PDCD11: variants seen among roughly 807,000 people sequenced by gnomAD.
The protein encoded by PDCD11 is programmed cell death 11.
A neutral mutation model predicts 198.9 loss-of-function variants in PDCD11; 97 were observed. The ratio of observed to expected loss-of-function variants is 0.49; its 90% CI spans 0.41 to 0.58. The LOEUF (loss-of-function observed/expected upper bound fraction) is 0.58, where lower values mean the gene tolerates loss of function less well. Among genes scored for constraint, PDCD11 ranks in the 20% least tolerant of loss-of-function variants. PDCD11 has a pLI of 0.00. For synonymous variants in PDCD11, 893 were observed against 918.0 expected (o/e 0.97, Z 0.49); for missense variants, 2,102 against 2,312.7 (o/e 0.91, Z 1.87).
Position 103,405,046 on chromosome 10 carries a change from T to A in PDCD11, c.427T>A (p.Phe143Ile). The A allele has an allele frequency of 6.2e-7, 1 of 1,614,024 alleles. No individual in the cohort carries two copies. The highest frequency in any genetic ancestry group is 2.2e-5 in the East Asian group (1 of 44,878). The stretch of plus-strand genomic sequence containing the variant: ...GGACCTACTTCACTTGCCTGAACTT[T>A]TCTCACCTGGAATGCTGGTAAGATG... ...LKDLLHLPEL[F>I]SPGMLVRCVV... is the part of the protein sequence containing the mutation. Residue 143 changes from phenylalanine (F) to isoleucine (I), a missense_variant, in exon 5 of 36, where the codon TTC becomes ATC. Physicochemically the swap from Phe to Ile is conservative, Grantham distance 21. Transcript: ENST00000369797.
chr10:103,418,841 A>G (rs1461894464), intron 15 of PDCD11, among the ~76,000 whole-genome samples: 1 of 152,078 alleles, frequency 6.6e-6, no homozygotes, highest in East Asian at 1.9e-4. Context: ...GAGTAGCCTG[A>G]AAGGTTGCAG....
At chr10:103,432,315 AGCAGAGAAAG>A in intron 22 of PDCD11, 81 bp downstream of exon 22, 1 of 995,356 alleles carries the variant, frequency 1.0e-6, no homozygotes. Flanking sequence ...AAAAGCCATT[AGCAGAGAAAG>A]GCATTTGAGT....
Position 103,442,435 on chromosome 10 carries a change from A to G in PDCD11, c.4930A>G (p.Arg1644Gly). The G allele has an allele frequency of 6.2e-7, 1 of 1,613,984 alleles. No individual in the cohort carries two copies. Among genetic ancestry groups the G allele is most frequent in the East Asian group, 2.2e-5 (1 of 44,864 alleles). Reference sequence around the variant, plus strand: ...CGAGAAGGCCCGTGCCGTGGCTGAGAGGGCCCTTAAGACCATCTCCTTCAG... The same window carrying G: ...CGAGAAGGCCCGTGCCGTGGCTGAGGGGGCCCTTAAGACCATCTCCTTCAG... Reference protein sequence around the residue: ...EIEKARAVAERALKTISFREE... With the variant: ...EIEKARAVAEGALKTISFREE... Residue 1644 changes from arginine (R) to glycine (G), a missense_variant, in exon 32 of 36, where the codon AGG (arginine) becomes GGG (glycine). Arg to Gly is a moderately radical substitution (Grantham distance 125). Transcript: ENST00000369797.
At chr10:103,439,720 C>T in intron 27 of PDCD11, 26 bp from the exon 28 acceptor site, 1 of 1,614,080 alleles carries the variant, frequency 6.2e-7, no homozygotes, top group Non-Finnish European at 8.5e-7. Context: ...TTTGTGACCA[C>T]AGGACTCTTG....
chr10:103,400,224 C>G (rs1415575668), intron 2 of PDCD11, among the ~76,000 whole-genome samples, 173 bp from the exon 3 acceptor site: 2 of 142,148 alleles, frequency 1.4e-5, no homozygotes, highest in East Asian at 4.0e-4. Flanking sequence ...GCGGCCCCCC[C>G]CCTTTTTTTT....
rs889838411 is a variant in PDCD11 at position 103,445,582 on chromosome 10, A to G, written c.*33A>G. 6.3e-7 allele frequency: 1 copy of G among 1,597,840 alleles called. No homozygotes were observed. Among genetic ancestry groups the G allele is most frequent in the African/African-American group, 1.3e-5 (1 of 74,592 alleles). ...CTGGCTCTGTGGGACACTGTCAACA[A>G]TGGGCCAGCCCGGCCCCGCCTCGAG... On this transcript the variant is annotated 3_prime_UTR_variant, in exon 36 of 36. Coordinates refer to ENST00000369797, the MANE Select transcript of PDCD11 (RefSeq NM_014976.2).
Position 103,417,859 on chromosome 10 carries a change from C to G in PDCD11, c.1838C>G (p.Ser613Trp). The G allele has an allele frequency of 6.2e-7, 1 of 1,614,044 alleles. No homozygotes were observed. The part of the protein sequence containing the change: ...KERMLLSFKL[S>W]SDPEPKKEPA... Reference sequence around the variant, plus strand: ...AGGATGCTCTTATCCTTCAAGCTGTCGAGTGATCCAGAGCCAAAGAAAGAG... The same window carrying G: ...AGGATGCTCTTATCCTTCAAGCTGTGGAGTGATCCAGAGCCAAAGAAAGAG... Residue 613 changes from serine (S) to tryptophan (W), a missense_variant, in exon 14 of 36, where the codon TCG (serine) becomes TGG (tryptophan). Transcript: ENST00000369797.
At chr10:103,414,815 C>T (rs2031008955) in intron 11 of PDCD11, among the ~76,000 whole-genome samples, 190 bp from the exon 12 acceptor site, 1 of 152,160 alleles carries the variant, frequency 6.6e-6, no homozygotes, top group Non-Finnish European at 1.5e-5. Flanking sequence ...TGAAGGCTCC[C>T]ATAAATAAAG....
At chr10:103,402,883 A>G (rs2030197921) in intron 3 of PDCD11, among the ~76,000 whole-genome samples, 1 of 151,814 alleles carries the variant, frequency 6.6e-6, no homozygotes. Context: ...ACAGGCGTGT[A>G]CCACTATGCC....
At chr10:103,432,290 C>A in intron 22 of PDCD11, 56 bp downstream of exon 22, 1 of 1,253,220 alleles carries the variant, frequency 8.0e-7, no homozygotes, top group South Asian at 1.2e-5. Context: ...GAAAAAAGGT[C>A]ATGACGTTGG....
chr10:103,442,901 GC>G (rs763520047), intron 32 of PDCD11, among the ~76,000 whole-genome samples: 40 of 152,212 alleles, frequency 2.6e-4, no homozygotes, highest in Non-Finnish European at 5.4e-4. Context: ...CAAACCTCAG[GC>G]CCGTTTGGGA....
chr10:103,412,521 T>C (rs1564761251), intron 8 of PDCD11, among the ~76,000 whole-genome samples: 1 of 152,130 alleles, frequency 6.6e-6, no homozygotes, highest in Non-Finnish European at 1.5e-5. Context: ...GGGGTTTCAC[T>C]GTGTTAGCCA....
chr10:103,438,836 C>A, intron 27 of PDCD11, 28 bp downstream of exon 27: 1 of 1,612,336 alleles, frequency 6.2e-7, no homozygotes, highest in Non-Finnish European at 8.5e-7. Flanking sequence ...TGCACCCGGA[C>A]CCAAGTGCCT....
intron 8 of PDCD11, among the ~76,000 whole-genome samples, chr10:103,412,585 C>T (rs1022264558): frequency 2.0e-5 from 3 of 152,174 alleles, no homozygotes; most frequent in Non-Finnish European, 2.9e-5. Context: ...CTTCGGCCTC[C>T]CAAAGAGCTG....
rs1297420562 is a variant in PDCD11 at position 103,445,305 on chromosome 10, GT to G, written c.5445-72del. On this transcript the variant is annotated intron_variant, in intron 35 of 35. Coordinates refer to ENST00000369797, the MANE Select transcript of PDCD11 (RefSeq NM_014976.2). The stretch of plus-strand genomic sequence containing the variant: ...GTCCTGGTTCCAGGGCTGAGAGCAA[GT>G]GGGTGAGTGCTAGGCAGGAAGCACG... The G allele has an allele frequency of 2.1e-6, 3 of 1,431,196 alleles. No homozygotes were observed. In the African/African-American group the frequency reaches 4.2e-5, roughly 20 times the overall value. The allele number at this position is 1,431,196 out of a possible 1,614,324, so 88.7% of individuals were successfully genotyped here.
Position 103,423,576 on chromosome 10 carries a change from T to C in PDCD11, c.2681T>C (p.Val894Ala), listed in dbSNP as rs1592130316. The change falls in exon 19 of 36, where the codon GTT becomes GCT. Residue 894 changes from valine to alanine, a missense_variant. Transcript: ENST00000369797. ...QEVESGQKKK[V>A]VILNVDLLKL... is the part of the protein sequence containing the mutation. ...GTGGAATCTGGGCAGAAAAAGAAGG[T>C]TGTTATCTTAAATGTTGATCTTTTG... The C allele has an allele frequency of 6.2e-7, 1 of 1,613,690 alleles. No individual in the cohort carries two copies. Among genetic ancestry groups the C allele is most frequent in the Admixed American group, 1.7e-5 (1 of 59,984 alleles).
intron 2 of PDCD11, among the ~76,000 whole-genome samples, chr10:103,399,280 C>T (rs2093452202): frequency 6.6e-6 from 1 of 151,862 alleles, no homozygotes; most frequent in South Asian, 2.1e-4. Context: ...AAACTCCTGA[C>T]CTCAGATGAT....
intron 8 of PDCD11, among the ~76,000 whole-genome samples, chr10:103,411,024 G>C (rs894232662): frequency 6.6e-6 from 1 of 151,224 alleles, no homozygotes; most frequent in African/African-American, 2.4e-5. Flanking sequence ...GCAGTGAGCC[G>C]AGATTGTGCC....
rs2032580149 is a variant in PDCD11 at position 103,445,651 on chromosome 10, ATGC to A, written c.*107_*109del. The A allele has an allele frequency of 2.2e-6, 2 of 928,414 alleles. No individual in the cohort carries two copies. The highest frequency in any genetic ancestry group is 3.3e-5 in the African/African-American group (2 of 60,250). The allele number at this position is 928,414 out of a possible 1,614,324, so 57.5% of individuals were successfully genotyped here. ...ACTGTTACCTCAGGACTCTATTTAA[ATGC>A]TGCTTTTTCTGCAGCACGCTTGGGG... On this transcript the variant is annotated 3_prime_UTR_variant, in exon 36 of 36. Coordinates refer to ENST00000369797, the MANE Select transcript of PDCD11 (RefSeq NM_014976.2).
Sources: allele counts gnomAD v4.1 joint callset (sites outside exome capture counted in the v4.1 genomes callset), GRCh38; gene constraint gnomAD v4.1.1; transcripts MANE v1.5; gene names NCBI Gene and HGNC (gene_info 2026-07-23, HGNC 2026-07-21).